Variants in UNC79 observed in about 807,000 individuals in gnomAD.
UNC79 encodes the protein protein unc-79 homolog.
In UNC79, 37 loss-of-function variants were observed where a neutral mutation model predicts 283.1. The ratio of observed to expected loss-of-function variants is 0.13; its 90% CI spans 0.10 to 0.17. UNC79 has a LOEUF of 0.17. Ranked by LOEUF, UNC79 falls within the 10% of genes least tolerant of loss-of-function variation. The pLI is 1.00. For synonymous variants in UNC79, 1,107 were observed against 1,200.2 expected (o/e 0.92, Z 1.61); for missense variants, 2,272 against 3,211.1 (o/e 0.71, Z 7.07).
chr14:93,427,433 C>T (rs1247767574), upstream of UNC79, among the ~76,000 whole-genome samples: 3 of 152,022 alleles, frequency 2.0e-5, no homozygotes, highest in South Asian at 4.1e-4. Context: ...AATTAAAAAA[C>T]ATGTAAAATA....
At chr14:93,542,258 C>A (rs1180936643) in intron 13 of UNC79, among the ~76,000 whole-genome samples, 5 of 152,090 alleles carry the variant, frequency 3.3e-5, no homozygotes, top group African/African-American at 1.2e-4. Flanking sequence ...AAGGTGAAAT[C>A]TTGAGGGAAA....
At chr14:93,479,837 T>C (rs2058032456) in intron 4 of UNC79, among the ~76,000 whole-genome samples, 1 of 152,152 alleles carries the variant, frequency 6.6e-6, no homozygotes, top group Non-Finnish European at 1.5e-5. Flanking sequence ...TCTCACTATG[T>C]TTCCCAGGCT....
chr14:93,529,180 C>A, intron 9 of UNC79, 106 bp from the exon 10 acceptor site: 1 of 1,088,876 alleles, frequency 9.2e-7, no homozygotes, highest in Non-Finnish European at 1.3e-6. Context: ...AATTATACTT[C>A]CTTTCTATTA....
intron 24 of UNC79, among the ~76,000 whole-genome samples, chr14:93,598,386 GT>G (rs1566741970): frequency 2.6e-5 from 4 of 151,710 alleles, no homozygotes; most frequent in Non-Finnish European, 5.9e-5. Flanking sequence ...GTGTGTGTGT[GT>G]GTGTGTGTGT....
intron 1 of UNC79, among the ~76,000 whole-genome samples, chr14:93,462,621 C>T (rs1448280387): frequency 6.6e-6 from 1 of 152,016 alleles, no homozygotes; most frequent in East Asian, 1.9e-4. Flanking sequence ...ATGACAGTGA[C>T]GATAAGGAAC....
At chr14:93,530,057 A>G (rs1318092777) in intron 10 of UNC79, among the ~76,000 whole-genome samples, 1 of 152,198 alleles carries the variant, frequency 6.6e-6, no homozygotes, top group Non-Finnish European at 1.5e-5. Context: ...AGATCGGGGC[A>G]CAGGAAGAAC....
chr14:93,563,085 T>C (rs1302534313), intron 14 of UNC79, among the ~76,000 whole-genome samples: 4 of 152,146 alleles, frequency 2.6e-5, no homozygotes, highest in Admixed American at 1.3e-4. Flanking sequence ...GATGACAGAA[T>C]ACAATGGGTC....
At chr14:93,422,593 A>G (rs1390478290) in intron 1 of UNC79, among the ~76,000 whole-genome samples, 1 of 152,102 alleles carries the variant, frequency 6.6e-6, no homozygotes, top group Non-Finnish European at 1.5e-5. Context: ...GTTCATTCAG[A>G]TGGTTGGGGG....
At chr14:93,658,525 C>T (rs942667387) in intron 38 of UNC79, among the ~76,000 whole-genome samples, 5 of 152,282 alleles carry the variant, frequency 3.3e-5, no homozygotes, top group African/African-American at 1.2e-4. Flanking sequence ...TTTATTCTTG[C>T]TGTAACGTTT....
chr14:93,556,680 C>A (rs2062192096), intron 14 of UNC79, among the ~76,000 whole-genome samples: 2 of 80,322 alleles, frequency 2.5e-5, no homozygotes, highest in Non-Finnish European at 5.1e-5. Context: ...ATTCAATTGA[C>A]TGAGAAAAAA....
At chr14:93,672,125 A>G (rs1005015849) in intron 40 of UNC79, among the ~76,000 whole-genome samples, 2 of 152,208 alleles carry the variant, frequency 1.3e-5, no homozygotes, top group African/African-American at 4.8e-5. Flanking sequence ...AACAGTATAG[A>G]TATTTCTCAA....
intron 1 of UNC79, among the ~76,000 whole-genome samples, chr14:93,450,103 C>T (rs1255407106): frequency 6.6e-6 from 1 of 152,116 alleles, no homozygotes; most frequent in Non-Finnish European, 1.5e-5. Context: ...GGAGTTCATC[C>T]CAGTTGAGGC....
intron 8 of UNC79, among the ~76,000 whole-genome samples, chr14:93,527,510 T>C (rs1172750009): frequency 3.9e-5 from 6 of 152,222 alleles, no homozygotes; most frequent in African/African-American, 1.4e-4. Flanking sequence ...TCGGGGAATA[T>C]ATAGTTTACA....
chr14:93,659,372 C>T, intron 39 of UNC79, 111 bp downstream of exon 42: 1 of 798,606 alleles, frequency 1.3e-6, no homozygotes, highest in Non-Finnish European at 1.9e-6. Flanking sequence ...TGAATGCTTC[C>T]CTTTCAGCCT....
chr14:93,453,167 G>T (rs2056697552), intron 1 of UNC79, among the ~76,000 whole-genome samples: 1 of 152,194 alleles, frequency 6.6e-6, no homozygotes, highest in Non-Finnish European at 1.5e-5. Flanking sequence ...TGGCTATGAT[G>T]CATCTTCTTG....
At chr14:93,680,020 C>A (rs1377367669) in intron 41 of UNC79, among the ~76,000 whole-genome samples, 1 of 152,114 alleles carries the variant, frequency 6.6e-6, no homozygotes, top group Non-Finnish European at 1.5e-5. Flanking sequence ...TGCTGGATGA[C>A]AATGCATGGA....
chr14:93,554,763 TTCTA>T (rs1384185599), intron 14 of UNC79, among the ~76,000 whole-genome samples: 1 of 152,260 alleles, frequency 6.6e-6, no homozygotes, highest in Admixed American at 6.5e-5. Flanking sequence ...TTCAGTTATA[TTCTA>T]TCTTTCTTTT....
At chr14:93,659,302 G>GT (rs770770975) in intron 39 of UNC79, 41 bp downstream of exon 42, 110 of 1,521,968 alleles carry the variant, frequency 7.2e-5, no homozygotes, top group African/African-American at 1.1e-4. Flanking sequence ...TGGTTAGTCA[G>GT]TTTTTTTTAA....
At chr14:93,630,698 G>A in intron 30 of UNC79, 103 bp from the exon 33 acceptor site, 1 of 814,096 alleles carries the variant, frequency 1.2e-6, no homozygotes, top group South Asian at 1.6e-5. Flanking sequence ...AGTGTATAAA[G>A]AGTTGAATGG....
Sources: gnomAD v4.1 joint callset for allele counts (sites outside exome capture counted in the v4.1 genomes callset) on GRCh38, gnomAD v4.1.1 for gene constraint, MANE v1.5 for transcripts, NCBI Gene and HGNC (gene_info 2026-07-23, HGNC 2026-07-21) for gene names.